IGSF21: variants seen among roughly 807,000 people sequenced by gnomAD.
The protein encoded by IGSF21 is immunoglobulin superfamily member 21.
A neutral mutation model predicts 46.8 loss-of-function variants in IGSF21; 28 were observed. The ratio of observed to expected loss-of-function variants is 0.60; its 90% CI spans 0.44 to 0.82. The LOEUF (loss-of-function observed/expected upper bound fraction) is 0.82. IGSF21 is among the 40% of genes least tolerant of loss of function. The pLI, the probability that IGSF21 is intolerant of heterozygous loss-of-function variation, is 0.00. For synonymous variants in IGSF21, 284 were observed against 273.6 expected (o/e 1.04, Z -0.38); for missense variants, 624 against 665.5 (o/e 0.94, Z 0.69).
intron 6 of IGSF21, among the ~76,000 whole-genome samples, chr1:18,372,048 A>C (rs1342458826): frequency 6.6e-6 from 1 of 152,216 alleles, no homozygotes; most frequent in African/African-American, 2.4e-5. Context: ...ATAAATGTGA[A>C]TGCTGGTGTA....
At chr1:18,132,909 GGA>G in intron 1 of IGSF21, among the ~76,000 whole-genome samples, 1 of 137,066 alleles carries the variant, frequency 7.3e-6, no homozygotes, top group Admixed American at 7.2e-5. Context: ...CTGAGCAGGT[GGA>G]GGGAGTGGGG....
intron 3 of IGSF21, among the ~76,000 whole-genome samples, chr1:18,301,798 T>C (rs1253771966): frequency 1.3e-5 from 2 of 152,084 alleles, no homozygotes; most frequent in African/African-American, 2.4e-5. Context: ...CCAGGATCAG[T>C]CATCACCTTA....
At chr1:18,219,276 T>G (rs986628818) in intron 1 of IGSF21, among the ~76,000 whole-genome samples, 12 of 152,172 alleles carry the variant, frequency 7.9e-5, no homozygotes, top group African/African-American at 2.7e-4. Flanking sequence ...ATTGAGGGAT[T>G]GAGCCATGTG....
At chr1:18,208,475 G>A (rs968871040) in intron 1 of IGSF21, among the ~76,000 whole-genome samples, 5 of 145,208 alleles carry the variant, frequency 3.4e-5, no homozygotes, top group African/African-American at 1.3e-4. Context: ...TCCGCCTCCC[G>A]GGTTCACGCC....
intron 3 of IGSF21, among the ~76,000 whole-genome samples, chr1:18,308,154 GC>G (rs2124582339): frequency 6.6e-6 from 1 of 151,976 alleles, no homozygotes; most frequent in East Asian, 1.9e-4. Flanking sequence ...CCTCATCACC[GC>G]CAAACGCTCA....
At chr1:18,292,085 C>T (rs988291203) in intron 3 of IGSF21, 98 bp downstream of exon 3, 41 of 1,302,856 alleles carry the variant, frequency 3.1e-5, no homozygotes, top group African/African-American at 3.1e-4. Flanking sequence ...ATCAATCCCT[C>T]GGTGCTCTTG....
intron 2 of IGSF21, among the ~76,000 whole-genome samples, chr1:18,244,830 C>T (rs1338789071): frequency 6.6e-6 from 1 of 152,154 alleles, no homozygotes; most frequent in African/African-American, 2.4e-5. Flanking sequence ...AATAATACTT[C>T]TCCTCTCAAT....
chr1:18,194,119 T>C (rs937276689), intron 1 of IGSF21, among the ~76,000 whole-genome samples: 12 of 152,156 alleles, frequency 7.9e-5, no homozygotes, highest in Non-Finnish European at 1.6e-4. Context: ...TGTGACTGGA[T>C]GTGAGAGACG....
intron 1 of IGSF21, among the ~76,000 whole-genome samples, chr1:18,192,518 T>C (rs1009202901): frequency 6.6e-6 from 1 of 152,232 alleles, no homozygotes; most frequent in Non-Finnish European, 1.5e-5. Flanking sequence ...ACTGGTGTTG[T>C]CCTGTGACTT....
At chr1:18,142,299 C>G (rs1393946536) in intron 1 of IGSF21, among the ~76,000 whole-genome samples, 2 of 152,130 alleles carry the variant, frequency 1.3e-5, no homozygotes, top group East Asian at 1.9e-4. Context: ...AGGCTCGTCT[C>G]CATTTTACAG....
At chr1:18,280,704 C>T (rs574191542) in intron 2 of IGSF21, among the ~76,000 whole-genome samples, 64 of 152,234 alleles carry the variant, frequency 4.2e-4, no homozygotes, top group African/African-American at 1.5e-3. Flanking sequence ...CACTACCAAA[C>T]CCAGACTCCA....
At chr1:18,328,233 T>A (rs904877904) in intron 3 of IGSF21, among the ~76,000 whole-genome samples, 1 of 152,252 alleles carries the variant, frequency 6.6e-6, no homozygotes, top group Non-Finnish European at 1.5e-5. Context: ...ACATCTGATC[T>A]ACAGAACATC....
At chr1:18,359,084 C>T (rs985854042) in intron 4 of IGSF21, among the ~76,000 whole-genome samples, 12 of 151,814 alleles carry the variant, frequency 7.9e-5, no homozygotes, top group Admixed American at 5.9e-4. Context: ...GACAATATAG[C>T]AAGACCCTAG....
intron 1 of IGSF21, among the ~76,000 whole-genome samples, chr1:18,134,483 T>C (rs1462228821): frequency 6.6e-6 from 1 of 152,172 alleles, no homozygotes; most frequent in East Asian, 1.9e-4. Context: ...GGAGGGTTAA[T>C]TACTCGCAGG....
chr1:18,375,330 G>A (rs2086269722), intron 6 of IGSF21, among the ~76,000 whole-genome samples: 1 of 152,046 alleles, frequency 6.6e-6, no homozygotes, highest in South Asian at 2.1e-4. Flanking sequence ...AATGAATCTG[G>A]GGGAAAGAGT....
At chr1:18,370,776 T>G (rs1015813511) in intron 6 of IGSF21, among the ~76,000 whole-genome samples, 1 of 152,108 alleles carries the variant, frequency 6.6e-6, no homozygotes, top group Non-Finnish European at 1.5e-5. Context: ...GACTACCCAA[T>G]TTTTTAAAAA....
chr1:18,246,760 A>T (rs1341173574), intron 2 of IGSF21, among the ~76,000 whole-genome samples: 1 of 152,206 alleles, frequency 6.6e-6, no homozygotes, highest in Non-Finnish European at 1.5e-5. Context: ...CCACACCAAC[A>T]ACAGGCTTGG....
intron 3 of IGSF21, among the ~76,000 whole-genome samples, chr1:18,333,897 A>G (rs1347184836): frequency 1.3e-5 from 2 of 152,254 alleles, no homozygotes; most frequent in African/African-American, 4.8e-5. Context: ...TGGTTGGAGA[A>G]AAAAACAGAA....
At chr1:18,180,013 C>T (rs944568104) in intron 1 of IGSF21, among the ~76,000 whole-genome samples, 1 of 152,168 alleles carries the variant, frequency 6.6e-6, no homozygotes, top group Non-Finnish European at 1.5e-5. Flanking sequence ...TTGAGTGACT[C>T]GCTCTCCCTT....
Sources: gnomAD v4.1 joint callset for allele counts (sites outside exome capture counted in the v4.1 genomes callset) on GRCh38, gnomAD v4.1.1 for gene constraint, MANE v1.5 for transcripts, NCBI Gene and HGNC (gene_info 2026-07-23, HGNC 2026-07-21) for gene names.